The following CDH22 variants were observed in gnomAD, a reference collection of about 807,000 sequenced individuals.
CDH22 encodes cadherin 22, also known as cadherin-22.
Under a neutral mutation model 58.4 loss-of-function variants are expected in CDH22, and 30 were observed. That is an observed-to-expected ratio of 0.51 (90% CI 0.38 to 0.70). CDH22 has a LOEUF of 0.70. Ranked by LOEUF, CDH22 falls within the 30% of genes least tolerant of loss-of-function variation. The pLI, the probability that CDH22 is intolerant of heterozygous loss-of-function variation, is 0.00. For synonymous variants in CDH22, 513 were observed against 558.2 expected (o/e 0.92, Z 1.14); for missense variants, 1,014 against 1,233.9 (o/e 0.82, Z 2.67).
intron 8 of CDH22, among the ~76,000 whole-genome samples, chr20:46,191,399 C>A (rs960541113): frequency 6.6e-6 from 1 of 152,118 alleles, no homozygotes; most frequent in Non-Finnish European, 1.5e-5. Flanking sequence ...CATTTGACAT[C>A]TGGACCAACC....
intron 1 of CDH22, among the ~76,000 whole-genome samples, chr20:46,297,246 G>C (rs114931781): frequency 6.6e-6 from 1 of 152,106 alleles, no homozygotes; most frequent in African/African-American, 2.4e-5. Flanking sequence ...GTAGGGATGC[G>C]GGCTCCTTGA....
In CDH22 at chr20:46,174,060, G is replaced by A. The variant is rs1469674716; in HGVS notation, c.*446C>T. On this transcript the variant is annotated 3_prime_UTR_variant, in exon 12 of 12. Coordinates refer to ENST00000537909, the MANE Select transcript of CDH22 (RefSeq NM_021248.3). The surrounding 1 kb of genome is among the most constrained non-coding windows in gnomAD (Gnocchi z 4.4). The stretch of plus-strand genomic sequence containing the variant: ...TTCTCTGACGACTGAGCTGGTCTCT[G>A]TACAGCGTCCCAGCACACAGTAGGT... 1.5e-4 allele frequency: 28 copies of A among 183,988 alleles called. No homozygotes were observed. The highest frequency in any genetic ancestry group is 1.6e-4 in the Non-Finnish European group (14 of 90,038). 11.4% of individuals were successfully genotyped at this position (183,988 alleles called of 1,614,324 possible). A position where few individuals can be genotyped will look rare whatever the true frequency, so the allele number is the denominator to read the frequency against.
intron 1 of CDH22, among the ~76,000 whole-genome samples, chr20:46,268,383 T>A (rs575954517): frequency 3.9e-3 from 592 of 152,334 alleles, no homozygotes; most frequent in Non-Finnish European, 6.1e-3. Context: ...CTCCCGCAGC[T>A]CCCCGAGGTC....
intron 4 of CDH22, 27 bp downstream of exon 4, chr20:46,227,481 C>T: frequency 6.5e-7 from 1 of 1,549,772 alleles, no homozygotes; most frequent in Non-Finnish European, 8.7e-7. Context: ...CCCACGGCTC[C>T]GCCTCTGGCC....
Position 46,210,353 on chromosome 20 carries a change from C to T in CDH22, c.1240G>A (p.Gly414Ser), listed in dbSNP as rs1303483268. The T allele has an allele frequency of 2.7e-6, 4 of 1,469,334 alleles. No homozygotes were observed. The highest frequency in any genetic ancestry group is 3.6e-6 in the Non-Finnish European group (4 of 1,114,320). The allele number at this position is 1,469,334 out of a possible 1,614,324, so 91.0% of individuals were successfully genotyped here. The change falls in exon 7 of 12, where the codon GGC (glycine) becomes AGC (serine). Residue 414 changes from glycine (G) to serine (S), a missense_variant. Coordinates refer to ENST00000537909, the MANE Select transcript of CDH22 (RefSeq NM_021248.3). The surrounding 1 kb of genome is among the most constrained non-coding windows in gnomAD (Gnocchi z 4.5). ...TCGGGGTCCCGCGCCGTCACCACGC[C>T]GACCAGGGAGCCCACCTGCGCGTCC... ...QEDAQVGSLV[G>S]VVTARDPDAA... is the part of the protein sequence containing the mutation.
At chr20:46,237,384 T>C (rs960749043) in intron 3 of CDH22, among the ~76,000 whole-genome samples, 1 of 152,208 alleles carries the variant, frequency 6.6e-6, no homozygotes, top group Non-Finnish European at 1.5e-5. Context: ...CTGCCTTTCA[T>C]GTCCCAAGCT....
rs149260988 is a variant in CDH22 at position 46,219,167 on chromosome 20, T to C, written c.671-2174A>G. Among the ~76,000 whole-genome samples the C allele has an allele frequency of 1.3e-3, 193 of 152,258 alleles. 2 individuals are homozygous for C. The highest frequency in any genetic ancestry group is 4.5e-3 in the African/African-American group (188 of 41,528). On this transcript the variant is annotated intron_variant, in intron 4 of 11. Coordinates refer to ENST00000537909, the MANE Select transcript of CDH22 (RefSeq NM_021248.3). ...GCTTTCGTGGGATCACATGCAGATATGGAATGGGTGTTCTGCCTAATCAAG... is the reference window on the plus strand; with the variant it reads ...GCTTTCGTGGGATCACATGCAGATACGGAATGGGTGTTCTGCCTAATCAAG...
chr20:46,177,986 G>A lies in CDH22; in HGVS notation c.1875C>T (p.Gly625=), dbSNP rs761595615. 2.0e-5 allele frequency: 32 copies of A among 1,613,938 alleles called. No homozygotes were observed. In the African/African-American group the frequency reaches 2.5e-4, roughly 13 times the overall value. The change falls in exon 11 of 12, where the codon GGC becomes GGT. Residue 625 remains glycine (G), a synonymous_variant. Transcript: ENST00000537909. ...CGCAGACCAAGAGGGCGATGAGGGC[G>A]CCGGGGCTGAGGGAGGCGGCCATGA... The part of the protein sequence containing the change: ...AFVMAASLSP[G]ALIALLVCVL...
chr20:46,276,535 TG>T (rs764912991), intron 1 of CDH22, among the ~76,000 whole-genome samples: 22 of 152,200 alleles, frequency 1.4e-4, no homozygotes, highest in Non-Finnish European at 2.1e-4. Flanking sequence ...CAGATATTTG[TG>T]CCAGGAAGGG....
intron 4 of CDH22, among the ~76,000 whole-genome samples, chr20:46,219,626 G>T (rs1015683237): frequency 7.9e-5 from 12 of 152,212 alleles, no homozygotes; most frequent in Admixed American, 4.6e-4. Context: ...CCTGGGGCAA[G>T]ATTGGTTGAG....
rs1164694296 is a variant in CDH22 at position 46,210,406 on chromosome 20, G to A, written c.1187C>T (p.Pro396Leu). ...CTGCACCTCCAGGAGGCCGGAGGGC[G>A]GCCGGAACTCGGGGGGCTCGTCCAC... is the stretch of plus-strand genomic sequence containing the variant. Reference protein sequence around the residue: ...TDVDEPPEFRPPSGLLEVQED... With the variant: ...TDVDEPPEFRLPSGLLEVQED... Residue 396 changes from proline to leucine, a missense_variant, in exon 7 of 12, where the codon CCG (proline) becomes CTG (leucine). By Grantham distance (98) the Pro-to-Leu change is moderately conservative. This residue lies in a region of CDH22 where 806 missense variants were observed against 1,038.7 expected (regional missense o/e 0.78). Transcript: ENST00000537909. This position sits in a 1 kb window ranked among gnomAD's most constrained non-coding sequence, Gnocchi z 4.5. 2.1e-6 allele frequency: 3 copies of A among 1,463,032 alleles called. No individual in the cohort carries two copies. The highest frequency in any genetic ancestry group is 1.5e-5 in the African/African-American group (1 of 67,808). The allele number at this position is 1,463,032 out of a possible 1,614,324, so 90.6% of individuals were successfully genotyped here.
In CDH22 at chr20:46,216,094, G is replaced by A. The variant is rs376135926; in HGVS notation, c.838+732C>T. On this transcript the variant is annotated intron_variant, in intron 5 of 11. Coordinates refer to ENST00000537909, the MANE Select transcript of CDH22 (RefSeq NM_021248.3). This position sits in a 1 kb window ranked among gnomAD's most constrained non-coding sequence, Gnocchi z 5.3. The stretch of plus-strand genomic sequence containing the variant: ...GCAGACCTCAAGTAATGACTCACCC[G>A]ATAGGAATCAGCCCAGCTCCTGCGG... 1.2e-4 allele frequency among the ~76,000 whole-genome samples: 19 copies of A among 152,316 alleles called. No homozygotes were observed. The East Asian group carries it at 2.1e-3, about 17-fold the overall frequency.
At chr20:46,265,631 A>T (rs909860382) in intron 1 of CDH22, among the ~76,000 whole-genome samples, 1 of 152,076 alleles carries the variant, frequency 6.6e-6, no homozygotes, top group African/African-American at 2.4e-5. Flanking sequence ...GAGCTTGTAT[A>T]TCATACTGAA....
At chr20:46,282,703 C>T (rs994491844) in intron 1 of CDH22, among the ~76,000 whole-genome samples, 6 of 152,038 alleles carry the variant, frequency 3.9e-5, no homozygotes, top group Non-Finnish European at 7.4e-5. Flanking sequence ...GAAGATGTTC[C>T]CGTCGTCTTC....
In CDH22 at chr20:46,174,144, G is replaced by A; in HGVS notation, c.*362C>T. 1 of 301,220 alleles carries A rather than the reference G, an allele frequency of 3.3e-6. No individual in the cohort carries two copies. The highest frequency in any genetic ancestry group is 6.1e-6 in the Non-Finnish European group (1 of 164,764). 18.7% of individuals were successfully genotyped at this position (301,220 alleles called of 1,614,324 possible). A position where few individuals can be genotyped will look rare whatever the true frequency, so the allele number is the denominator to read the frequency against. Reference sequence around the variant, plus strand: ...CTCTGATGGGGGAAACCTGGGGTGGGGGCATCTCAGCGGCGTGCTCCCTCC... The same window carrying A: ...CTCTGATGGGGGAAACCTGGGGTGGAGGCATCTCAGCGGCGTGCTCCCTCC... On this transcript the variant is annotated 3_prime_UTR_variant, in exon 12 of 12. Coordinates refer to ENST00000537909, the MANE Select transcript of CDH22 (RefSeq NM_021248.3). The surrounding 1 kb of genome is among the most constrained non-coding windows in gnomAD (Gnocchi z 4.4).
intron 1 of CDH22, among the ~76,000 whole-genome samples, chr20:46,271,491 A>G (rs2086488837): frequency 6.6e-6 from 1 of 151,982 alleles, no homozygotes; most frequent in Non-Finnish European, 1.5e-5. Flanking sequence ...CCTTCCCTTA[A>G]TAGCAAAACC....
chr20:46,223,149 C>T (rs1243919322), intron 4 of CDH22, among the ~76,000 whole-genome samples: 1 of 152,160 alleles, frequency 6.6e-6, no homozygotes, highest in Non-Finnish European at 1.5e-5. Flanking sequence ...TTGCCTGGTC[C>T]TCACTTTCTG....
intron 1 of CDH22, among the ~76,000 whole-genome samples, chr20:46,304,985 C>T (rs1402660199): frequency 6.6e-6 from 1 of 152,176 alleles, no homozygotes; most frequent in African/African-American, 2.4e-5. Context: ...ATTTCAGTCC[C>T]CGCTCTCCTC....
In CDH22 at chr20:46,186,612, G is replaced by A. The variant is rs1171386201; in HGVS notation, c.1639C>T (p.His547Tyr). ...RLVPEAPSNP[H>Y]FSLLDIQDNT... The stretch of plus-strand genomic sequence containing the variant: ...CCTTGGATGTCAAGCAGAGAGAAAT[G>A]AGGGTTGCTGGGAGCTTCAGGCACC... The change falls in exon 10 of 12, where the codon CAT becomes TAT. Residue 547 changes from histidine (H) to tyrosine (Y), a missense_variant. Coordinates refer to ENST00000537909, the MANE Select transcript of CDH22 (RefSeq NM_021248.3). The A allele has an allele frequency of 1.9e-6, 3 of 1,612,332 alleles. No homozygotes were observed. The highest frequency in any genetic ancestry group is 1.7e-5 in the Admixed American group (1 of 60,012).
Sources: allele counts gnomAD v4.1 joint callset (sites outside exome capture counted in the v4.1 genomes callset), GRCh38; gene constraint gnomAD v4.1.1; regional missense constraint gnomAD v4.1.1; non-coding constraint Gnocchi (gnomAD v3.1); transcripts MANE v1.5; gene names NCBI Gene and HGNC (gene_info 2026-07-23, HGNC 2026-07-21).